NDC1: variants seen among roughly 807,000 people sequenced by gnomAD.
NDC1 encodes the protein nucleoporin NDC1.
NDC1 carries 24 observed loss-of-function variants against 89.8 expected under a neutral mutation model. The ratio of observed to expected loss-of-function variants is 0.27; its 90% CI spans 0.19 to 0.38. The LOEUF is 0.38. NDC1 is among the 10% of genes least tolerant of loss of function. NDC1 has a pLI of 1.00. For missense variants in NDC1, 728 were observed against 797.6 expected (o/e 0.91, Z 1.05); for synonymous variants, 296 against 284.8 (o/e 1.04, Z -0.39).
At chr1:53,834,795 T>C (rs771370940) in intron 2 of NDC1, among the ~76,000 whole-genome samples, 2 of 152,182 alleles carry the variant, frequency 1.3e-5, no homozygotes, top group Non-Finnish European at 1.5e-5. Context: ...GTAATTTTAC[T>C]TAGTCTCTAA....
intron 15 of NDC1, among the ~76,000 whole-genome samples, chr1:53,787,935 G>A (rs373924160): frequency 2.1e-4 from 31 of 149,874 alleles, no homozygotes; most frequent in African/African-American, 7.3e-4. Context: ...AGGCCTCTGA[G>A]CAACATTTAA....
Position 53,825,460 on chromosome 1 carries a change from A to AAAAAAAAAAAAAAAAAAAAAAAAG in NDC1, c.594+337_594+338insCTTTTTTTTTTTTTTTTTTTTTTT, listed in dbSNP as rs1039370528. Reference sequence around the variant, plus strand: ...AAGAAGCGAGACTGTCTCCAAAAAAAAAGAAGCTACACAGAGTACTTTGCA... The same window carrying AAAAAAAAAAAAAAAAAAAAAAAAG: ...AAGAAGCGAGACTGTCTCCAAAAAAAAAAAAAAAAAAAAAAAAAAAAAAGAAGAAGCTACACAGAGTACTTTGCA... On this transcript the variant is annotated intron_variant, in intron 5 of 17. Coordinates refer to ENST00000371429, the MANE Select transcript of NDC1 (RefSeq NM_018087.5). Among the ~76,000 whole-genome samples the AAAAAAAAAAAAAAAAAAAAAAAAG allele has an allele frequency of 2.3e-4, 33 of 142,146 alleles. 1 individual carries two copies. The highest frequency in any genetic ancestry group is 2.2e-4 in the South Asian group (1 of 4,578). 93.3% of individuals were successfully genotyped at this position (142,146 alleles called of 152,430 possible). A position where few individuals can be genotyped will look rare whatever the true frequency, so the allele number is the denominator to read the frequency against.
chr1:53,838,086 C>T (rs911371225), intron 1 of NDC1, 119 bp downstream of exon 1: 1 of 891,326 alleles, frequency 1.1e-6, no homozygotes. Flanking sequence ...GCCTTCCCCA[C>T]GCGTTCTCTC....
chr1:53,767,321 T>A lies in NDC1; in HGVS notation c.*649A>T, dbSNP rs1299002524. The A allele has an allele frequency of 6.6e-6, 1 of 152,212 alleles. No homozygotes were observed. The highest frequency in any genetic ancestry group is 1.5e-5 in the Non-Finnish European group (1 of 68,024). The allele number at this position is 152,212 out of a possible 1,614,324, so 9.4% of individuals were successfully genotyped here. ...TTAAAGACCAAATGTGAATTTTTAATCTTGTAACTTAAGAACTGAGTTTTT... is the reference window on the plus strand; with the variant it reads ...TTAAAGACCAAATGTGAATTTTTAAACTTGTAACTTAAGAACTGAGTTTTT... On this transcript the variant is annotated 3_prime_UTR_variant, in exon 18 of 18. Coordinates refer to ENST00000371429, the MANE Select transcript of NDC1 (RefSeq NM_018087.5).
intron 16 of NDC1, among the ~76,000 whole-genome samples, chr1:53,784,973 C>G (rs965212945): frequency 2.0e-5 from 3 of 150,104 alleles, no homozygotes; most frequent in African/African-American, 7.3e-5. Flanking sequence ...AAAAAAAAAG[C>G]GGGGGAGGGA....
Position 53,803,921 on chromosome 1 carries a change from G to T in NDC1, c.1066+7C>A. 1.2e-6 allele frequency: 2 copies of T among 1,602,448 alleles called. No homozygotes were observed. Among genetic ancestry groups the T allele is most frequent in the Non-Finnish European group, 8.6e-7 (1 of 1,169,504 alleles). On this transcript the variant is annotated splice_region_variant and intron_variant, in intron 10 of 17. Coordinates refer to ENST00000371429, the MANE Select transcript of NDC1 (RefSeq NM_018087.5). ...TGCCTAATCAAGTCTATTACTTTTA[G>T]CAATACCTGGTTGGCTGAGGCTGAA...
At chr1:53,829,131 G>A (rs1438316114) in intron 3 of NDC1, among the ~76,000 whole-genome samples, 1 of 152,178 alleles carries the variant, frequency 6.6e-6, no homozygotes, top group African/African-American at 2.4e-5. Flanking sequence ...TTTACCTTTG[G>A]AAACAGCTAG....
chr1:53,780,099 T>C (rs1295817282), intron 16 of NDC1, among the ~76,000 whole-genome samples: 1 of 152,174 alleles, frequency 6.6e-6, no homozygotes, highest in Non-Finnish European at 1.5e-5. Context: ...TTTGCTGTTG[T>C]TGCCCAGGCT....
chr1:53,804,199 A>G (rs966141579), intron 9 of NDC1, among the ~76,000 whole-genome samples, 190 bp from the exon 10 acceptor site: 1 of 151,968 alleles, frequency 6.6e-6, no homozygotes, highest in Non-Finnish European at 1.5e-5. Context: ...CCTACCTACT[A>G]CAAGTTCTAG....
intron 4 of NDC1, among the ~76,000 whole-genome samples, chr1:53,826,406 T>C (rs777969687): frequency 2.0e-5 from 3 of 152,198 alleles, no homozygotes; most frequent in Non-Finnish European, 4.4e-5. Context: ...GTCCCATACA[T>C]GTCCGATACC....
At chr1:53,783,813 T>C (rs749410214) in intron 16 of NDC1, among the ~76,000 whole-genome samples, 1 of 152,244 alleles carries the variant, frequency 6.6e-6, no homozygotes, top group Non-Finnish European at 1.5e-5. Context: ...CCCCTTAATC[T>C]TGAACTTCCC....
intron 14 of NDC1, among the ~76,000 whole-genome samples, chr1:53,792,148 T>C (rs1647535159): frequency 6.6e-6 from 1 of 152,128 alleles, no homozygotes; most frequent in Non-Finnish European, 1.5e-5. Flanking sequence ...TTCACCGTGT[T>C]AGCCAGGATG....
At position 53,828,171 on chromosome 1, in the gene NDC1, C is replaced by T; in HGVS notation, c.283G>A (p.Val95Met). 6.2e-7 allele frequency: 1 copy of T among 1,613,662 alleles called. No individual in the cohort carries two copies. Among genetic ancestry groups the T allele is most frequent in the African/African-American group, 1.3e-5 (1 of 74,992 alleles). The change falls in exon 4 of 18, where the codon GTG becomes ATG. Residue 95 changes from valine to methionine, a missense_variant and splice_region_variant. Coordinates refer to ENST00000371429, the MANE Select transcript of NDC1 (RefSeq NM_018087.5). The part of the protein sequence containing the change: ...SIFNVEFYAV[V>M]PSIPCSRLAL... ...AGTCTGGAGCAAGGAATAGAAGGCA[C>T]AACTGCAAAGGAAACACATTACTGT...
In NDC1 at chr1:53,807,651, C is replaced by T; in HGVS notation, c.891+5G>A. ...TATTAAGAAAAAATATTTTAAAAAA[C>T]ATACCTCTGTGGCATAGATTTTGAA... On this transcript the variant is annotated splice_donor_5th_base_variant and intron_variant, in intron 8 of 17. Transcript: ENST00000371429. 2.5e-6 allele frequency: 4 copies of T among 1,586,248 alleles called. No individual in the cohort carries two copies. The highest frequency in any genetic ancestry group is 1.2e-5 in the South Asian group (1 of 85,468).
At chr1:53,772,811 G>C (rs1647128869) in intron 16 of NDC1, among the ~76,000 whole-genome samples, 1 of 151,820 alleles carries the variant, frequency 6.6e-6, no homozygotes, top group South Asian at 2.1e-4. Flanking sequence ...ATTAAGATTT[G>C]AGATAGATAC....
At chr1:53,796,098 G>A (rs1394804204) in intron 13 of NDC1, among the ~76,000 whole-genome samples, 1 of 152,124 alleles carries the variant, frequency 6.6e-6, no homozygotes, top group East Asian at 1.9e-4. Flanking sequence ...CCTTATCAAT[G>A]AGACTTCCCC....
chr1:53,832,463 TAAG>T, intron 3 of NDC1, 24 bp downstream of exon 3: 1 of 1,149,436 alleles, frequency 8.7e-7, no homozygotes. Context: ...CGCATATTTC[TAAG>T]AAGGTTAACA....
chr1:53,830,374 C>T (rs1468747576), intron 3 of NDC1, among the ~76,000 whole-genome samples: 1 of 149,812 alleles, frequency 6.7e-6, no homozygotes, highest in African/African-American at 2.5e-5. Context: ...GAATTGCTTG[C>T]ACCTGGGAGG....
chr1:53,785,901 TTTTATTCA>T (rs1553147255), intron 16 of NDC1, among the ~76,000 whole-genome samples: 1 of 151,382 alleles, frequency 6.6e-6, no homozygotes, highest in African/African-American at 2.4e-5. Flanking sequence ...CAGATGCTAT[TTTTATTCA>T]TTTATTTATT....
Sources: gnomAD v4.1 joint callset for allele counts (sites outside exome capture counted in the v4.1 genomes callset) on GRCh38, gnomAD v4.1.1 for gene constraint, MANE v1.5 for transcripts, NCBI Gene and HGNC (gene_info 2026-07-23, HGNC 2026-07-21) for gene names.